The following GREB1 variants were observed in gnomAD, a reference collection of about 807,000 sequenced individuals.
GREB1 encodes the protein growth regulating estrogen receptor binding 1, also known as protein GREB1.
Under a neutral mutation model 200.7 loss-of-function variants are expected in GREB1, and 106 were observed. The observed-to-expected ratio is 0.53, with a 90% CI of 0.45 to 0.62. The LOEUF (loss-of-function observed/expected upper bound fraction) is 0.62, where lower values mean the gene tolerates loss of function less well. Among genes scored for constraint, GREB1 ranks in the 20% least tolerant of loss-of-function variants. The probability of loss-of-function intolerance (pLI) is 0.00; values close to 1 mark genes in which losing one functional copy is unlikely to be tolerated. For missense variants in GREB1, 2,243 were observed against 2,556.8 expected (o/e 0.88, Z 2.65); for synonymous variants, 1,132 against 1,092.4 (o/e 1.04, Z -0.72).
chr2:11,574,699 G>C (rs1246624941), intron 4 of GREB1, among the ~76,000 whole-genome samples: 3 of 152,210 alleles, frequency 2.0e-5, no homozygotes, highest in African/African-American at 7.2e-5. Context: ...GGCCTCTCTG[G>C]TTCTCTGATT....
rs866309290 is a variant in GREB1, at chr2:11,610,770, C to A, written c.2749C>A (p.Leu917Ile). ...GGCCGCCCTGATGGCCGTAAGCGGCCTCCCGCAGATGAAGAACTACACGTC... is the reference window on the plus strand; with the variant it reads ...GGCCGCCCTGATGGCCGTAAGCGGCATCCCGCAGATGAAGAACTACACGTC... ...YAAALMAVSG[L>I]PQMKNYTSVE... Residue 917 changes from leucine to isoleucine, a missense_variant, in exon 18 of 33, where the codon CTC (leucine) becomes ATC (isoleucine). Leu to Ile is a conservative substitution (Grantham distance 5). Transcript: ENST00000381486. The A allele has an allele frequency of 1.9e-6, 3 of 1,613,560 alleles. No individual in the cohort carries two copies. In the Middle Eastern group the frequency reaches 4.9e-4, roughly 266 times the overall value.
At chr2:11,533,340 C>G (rs191332559), upstream of GREB1, among the ~76,000 whole-genome samples, 18 of 152,278 alleles carry the variant, frequency 1.2e-4, no homozygotes, top group African/African-American at 4.3e-4. Flanking sequence ...AGCCACAGTA[C>G]TAAATACTCT....
chr2:11,564,242 C>CCTGAG (rs908197194), intron 3 of GREB1, among the ~76,000 whole-genome samples: 6 of 152,098 alleles, frequency 3.9e-5, no homozygotes, highest in African/African-American at 1.4e-4. Flanking sequence ...TGGACTTGAC[C>CCTGAG]CTGAGCATGA....
At position 11,631,997 on chromosome 2, in the gene GREB1, G is replaced by C. The variant is rs776596655; in HGVS notation, c.4700G>C (p.Gly1567Ala). Residue 1567 changes from glycine (G) to alanine (A), a missense_variant, in exon 27 of 33, where the codon GGT (glycine) becomes GCT (alanine). Gly to Ala is a moderately conservative substitution (Grantham distance 60, BLOSUM62 0). This residue lies in a region of GREB1 where 478 missense variants were observed against 616.3 expected (regional missense o/e 0.78). Transcript: ENST00000381486. ...GLFNLYHAMD[G>A]ASHLHVLVVK... ...TTTAATCTGTACCACGCAATGGACGGTGCCAGCCATTTGCACGTGCTGGTT... is the reference window on the plus strand; with the variant it reads ...TTTAATCTGTACCACGCAATGGACGCTGCCAGCCATTTGCACGTGCTGGTT... 40 of 1,613,760 alleles carry C rather than the reference G, an allele frequency of 2.5e-5. No individual in the cohort carries two copies. The highest frequency in any genetic ancestry group is 3.4e-5 in the Non-Finnish European group (40 of 1,179,792).
At chr2:11,568,555 C>A (rs745648278) in intron 4 of GREB1, among the ~76,000 whole-genome samples, 1 of 152,282 alleles carries the variant, frequency 6.6e-6, no homozygotes, top group African/African-American at 2.4e-5. Context: ...TGAACGCTTA[C>A]GACAGTCGCC....
At chr2:11,616,810 T>C in intron 21 of GREB1, 90 bp downstream of exon 21, 1 of 769,306 alleles carries the variant, frequency 1.3e-6, no homozygotes, top group Non-Finnish European at 2.3e-6. Flanking sequence ...GGCTATTTGC[T>C]GATCCTTTAT....
At chr2:11,627,583 A>C (rs1212100723) in intron 25 of GREB1, among the ~76,000 whole-genome samples, 3 of 152,262 alleles carry the variant, frequency 2.0e-5, no homozygotes. Flanking sequence ...ATTTGCATTT[A>C]TTGAGCACCT....
In GREB1 at chr2:11,578,434, G is replaced by A. The variant is rs764271330; in HGVS notation, c.772+3G>A. On this transcript the variant is annotated splice_donor_region_variant and intron_variant, in intron 6 of 32. Transcript: ENST00000381486. ...CCTGATGGGAGCTCAGCAGGCAGGT[G>A]AGGTGGTGGAGACACACCAGAGCTG... is the stretch of plus-strand genomic sequence containing the variant. 3 of 1,613,548 alleles carry A rather than the reference G, an allele frequency of 1.9e-6. No individual in the cohort carries two copies. The highest frequency in any genetic ancestry group is 2.5e-6 in the Non-Finnish European group (3 of 1,179,982).
At chr2:11,596,267 G>A in intron 13 of GREB1, 28 bp downstream of exon 13, 1 of 1,604,946 alleles carries the variant, frequency 6.2e-7, no homozygotes, top group Non-Finnish European at 8.5e-7. Flanking sequence ...ATCTCCCAGG[G>A]TGGAGAGGGT....
intron 18 of GREB1, among the ~76,000 whole-genome samples, chr2:11,611,833 A>G (rs531017457): frequency 1.3e-5 from 2 of 152,340 alleles, no homozygotes; most frequent in East Asian, 3.9e-4. Flanking sequence ...GGTTTAGGGA[A>G]AGAACAAATG....
intron 4 of GREB1, among the ~76,000 whole-genome samples, chr2:11,568,550 G>A (rs1677927326): frequency 6.6e-6 from 1 of 152,276 alleles, no homozygotes; most frequent in South Asian, 2.1e-4. Flanking sequence ...CAGACTGAAC[G>A]CTTACGACAG....
At chr2:11,609,084 G>T (rs558703837) in intron 17 of GREB1, among the ~76,000 whole-genome samples, 1 of 152,244 alleles carries the variant, frequency 6.6e-6, no homozygotes, top group South Asian at 2.1e-4. Flanking sequence ...GTATTGAAAT[G>T]CAGTTGTTTC....
intron 19 of GREB1, among the ~76,000 whole-genome samples, chr2:11,614,482 G>C (rs372914811): frequency 1.3e-4 from 20 of 152,114 alleles, no homozygotes; most frequent in African/African-American, 3.9e-4. Flanking sequence ...GAGCCTCAGA[G>C]AAGTTGTGCA....
intron 6 of GREB1, among the ~76,000 whole-genome samples, chr2:11,579,968 A>C (rs537108386): frequency 2.0e-5 from 3 of 152,360 alleles, no homozygotes; most frequent in African/African-American, 7.2e-5. Flanking sequence ...AAAGTGGTTT[A>C]ATGGACTCAC....
intron 1 of GREB1, among the ~76,000 whole-genome samples, chr2:11,550,700 A>C (rs1675731615): frequency 6.6e-6 from 1 of 152,180 alleles, no homozygotes; most frequent in South Asian, 2.1e-4. Flanking sequence ...CACTTTCCAA[A>C]TCTAGCCCTA....
intron 19 of GREB1, among the ~76,000 whole-genome samples, 181 bp downstream of exon 19, chr2:11,612,791 C>T (rs1683054042): frequency 6.6e-6 from 1 of 152,206 alleles, no homozygotes; most frequent in Non-Finnish European, 1.5e-5. Flanking sequence ...CGTCTGAGGC[C>T]CGTGCCCCTT....
intron 23 of GREB1, among the ~76,000 whole-genome samples, chr2:11,623,090 C>T (rs1021964664): frequency 1.8e-4 from 27 of 152,350 alleles, no homozygotes; most frequent in African/African-American, 5.3e-4. Flanking sequence ...CACATAATGA[C>T]GTTTTGGTCA....
chr2:11,635,163 C>A, intron 29 of GREB1, 107 bp from the exon 30 acceptor site: 1 of 1,337,636 alleles, frequency 7.5e-7, no homozygotes, highest in Non-Finnish European at 1.0e-6. Flanking sequence ...GCCCACTCCA[C>A]CTTCATAGCC....
rs1301272179 is a variant in GREB1, at chr2:11,638,675, C to A, written c.5552C>A (p.Ser1851Tyr). 1 of 1,609,142 alleles carries A rather than the reference C, an allele frequency of 6.2e-7. No homozygotes were observed. Residue 1851 changes from serine (S) to tyrosine (Y), a missense_variant, in exon 32 of 33, where the codon TCT (serine) becomes TAT (tyrosine). Coordinates refer to ENST00000381486, the MANE Select transcript of GREB1 (RefSeq NM_014668.4). Reference sequence around the variant, plus strand: ...CTTGGATTTCTTCTTTTTCAGATTTCTGTTTGCTATGTGAGCTCCAGGCCC... The same window carrying A: ...CTTGGATTTCTTCTTTTTCAGATTTATGTTTGCTATGTGAGCTCCAGGCCC... ...DCYLNLGSQI[S>Y]VCYVSSRPHS... is the part of the protein sequence containing the mutation.
Sources: allele counts gnomAD v4.1 joint callset (sites outside exome capture counted in the v4.1 genomes callset), GRCh38; gene constraint gnomAD v4.1.1; regional missense constraint gnomAD v4.1.1; transcripts MANE v1.5; gene names NCBI Gene and HGNC (gene_info 2026-07-23, HGNC 2026-07-21).